Variants in RETREG2 observed in about 807,000 individuals in gnomAD.
The protein encoded by RETREG2 is reticulophagy regulator 2.
RETREG2 carries 21 observed loss-of-function variants against 51.6 expected under a neutral mutation model. The ratio of observed to expected loss-of-function variants is 0.41; its 90% CI spans 0.29 to 0.59. The LOEUF is 0.59. RETREG2 is among the 20% of genes least tolerant of loss of function. The probability of loss-of-function intolerance (pLI) is 0.34; values close to 1 mark genes in which losing one functional copy is unlikely to be tolerated. For synonymous variants in RETREG2, 339 were observed against 288.6 expected (o/e 1.17, Z -1.77); for missense variants, 674 against 646.0 (o/e 1.04, Z -0.47).
rs1223169271 is a variant in RETREG2, at chr2:219,181,174, C to T, written c.753C>T (p.Ala251=). 6.2e-7 allele frequency: 1 copy of T among 1,614,180 alleles called. No individual in the cohort carries two copies. The highest frequency in any genetic ancestry group is 1.7e-5 in the Admixed American group (1 of 60,030). ...TGGACTACAGCATGAAGGCAGAAGC[C>T]AATGCCCTGCATCACAAACACGACA... ...MQLDYSMKAE[A]NALHHKHDKR... Residue 251 remains alanine (A), a synonymous_variant, in exon 6 of 9, where the codon GCC becomes GCT. Transcript: ENST00000430297.
rs1254829526 is a variant in RETREG2 at position 219,178,557 on chromosome 2, G to A, written c.205G>A (p.Ala69Thr). 5.5e-6 allele frequency: 8 copies of A among 1,449,204 alleles called. No homozygotes were observed. The highest frequency in any genetic ancestry group is 2.7e-5 in the Admixed American group (1 of 37,418). The allele number at this position is 1,449,204 out of a possible 1,614,324, so 89.8% of individuals were successfully genotyped here. A position where few individuals can be genotyped will look rare whatever the true frequency, so the allele number is the denominator to read the frequency against. ...RLRGWEAVLA[A>T]AQRLLVWEKP... ...CCGCGGCTGGGAGGCGGTGCTGGCG[G>A]CGGCGCAGCGGTTGCTGGTGTGGGA... is the stretch of plus-strand genomic sequence containing the variant. Residue 69 changes from alanine (A) to threonine (T), a missense_variant, in exon 1 of 9, where the codon GCG becomes ACG. Ala to Thr is a moderately conservative substitution (Grantham distance 58). Coordinates refer to ENST00000430297, the MANE Select transcript of RETREG2 (RefSeq NM_024293.6).
Position 219,180,722 on chromosome 2 carries a change from A to G in RETREG2, c.608A>G (p.Tyr203Cys). ...GCTGTGTTGGCTGTGTTGGGACACT[A>G]TGTTCCAGGGATTATGATTTCCTAC... ...GCAVLAVLGHYVPGIMISYIV... is the reference protein window; with the variant it reads ...GCAVLAVLGHCVPGIMISYIV... The change falls in exon 5 of 9, where the codon TAT (tyrosine) becomes TGT (cysteine). Residue 203 changes from tyrosine to cysteine, a missense_variant. Physicochemically the swap from Tyr to Cys is radical, Grantham distance 194 (BLOSUM62 -2). Transcript: ENST00000430297. 1.2e-6 allele frequency: 2 copies of G among 1,613,896 alleles called. No individual in the cohort carries two copies. The highest frequency in any genetic ancestry group is 1.7e-6 in the Non-Finnish European group (2 of 1,179,812).
rs1348898149 is a variant in RETREG2, at chr2:219,179,029, G to T, written c.388+1G>T. The T allele has an allele frequency of 6.2e-7, 1 of 1,604,744 alleles. No homozygotes were observed. Among genetic ancestry groups the T allele is most frequent in the Non-Finnish European group, 8.5e-7 (1 of 1,171,640 alleles). ...CCTCGCTTTCTCCCTGACGTTTCAG[G>T]TGAGTGTTTCTTCATTCAGTAAGCA... On this transcript the variant is annotated splice_donor_variant, in intron 2 of 8. Coordinates refer to ENST00000430297, the MANE Select transcript of RETREG2 (RefSeq NM_024293.6). LOFTEE classifies it high-confidence loss of function.
rs1424472169 is a variant in RETREG2, at chr2:219,183,313, C to T, written c.*684C>T. 1 of 152,818 alleles carries T rather than the reference C, an allele frequency of 6.5e-6. No homozygotes were observed. Among genetic ancestry groups the T allele is most frequent in the Non-Finnish European group, 1.5e-5 (1 of 68,450 alleles). The allele number at this position is 152,818 out of a possible 1,614,324, so 9.5% of individuals were successfully genotyped here. A position where few individuals can be genotyped will look rare whatever the true frequency, so the allele number is the denominator to read the frequency against. On this transcript the variant is annotated 3_prime_UTR_variant, in exon 9 of 9. Transcript: ENST00000430297. ...TTCATGATGCAGGAGAGCAGGGATC[C>T]CGCAGTACATGGCGCCAGCACTGGA...
rs770286239 is a variant in RETREG2, at chr2:219,181,450, G to A, written c.866G>A (p.Gly289Asp). The A allele has an allele frequency of 1.2e-6, 2 of 1,614,078 alleles. No homozygotes were observed. The highest frequency in any genetic ancestry group is 2.2e-5 in the East Asian group (1 of 44,872). The change falls in exon 7 of 9, where the codon GGC becomes GAC. Residue 289 changes from glycine to aspartate, a missense_variant. Physicochemically the swap from Gly to Asp is moderately conservative, Grantham distance 94. Transcript: ENST00000430297. ...AGTGAAAGCGAGGCAGAGCTGGCTG[G>A]CTTCTCCCCAGTGGTGAGGTCCAGG... ...TESESEAELA[G>D]FSPVVDVKKT...
At position 219,184,074 on chromosome 2, in the gene RETREG2, C is replaced by T. The variant is rs34157145; in HGVS notation, c.*1445C>T. Reference sequence around the variant, plus strand: ...AACTTCATTTTATAGACAGGTTAAGCTTCCTGAAGGCCACAGGTCCCAGTA... The same window carrying T: ...AACTTCATTTTATAGACAGGTTAAGTTTCCTGAAGGCCACAGGTCCCAGTA... On this transcript the variant is annotated 3_prime_UTR_variant, in exon 9 of 9. Coordinates refer to ENST00000430297, the MANE Select transcript of RETREG2 (RefSeq NM_024293.6). 0.5 allele frequency: 76,309 copies of T among 152,108 alleles called. 20,914 individuals carry two copies. The highest frequency in any genetic ancestry group is 0.62 in the Non-Finnish European group (42,409 of 68,016). The allele number at this position is 152,108 out of a possible 1,614,324, so 9.4% of individuals were successfully genotyped here. A position where few individuals can be genotyped will look rare whatever the true frequency, so the allele number is the denominator to read the frequency against.
At chr2:219,180,086 A>G (rs1950255488) in intron 3 of RETREG2, 24 bp from the exon 4 acceptor site, 4 of 1,613,380 alleles carry the variant, frequency 2.5e-6, no homozygotes, top group Non-Finnish European at 3.4e-6. Flanking sequence ...TGAGGCCTCC[A>G]GGGGTCATGT....
At chr2:219,178,687 C>G (rs1950225899) in intron 1 of RETREG2, 54 bp downstream of exon 1, 2 of 1,403,646 alleles carry the variant, frequency 1.4e-6, no homozygotes, top group African/African-American at 3.0e-5. Context: ...AGGGAGGGGT[C>G]GAGAGCACCA....
chr2:219,181,977 A>T (rs1950285713), intron 8 of RETREG2, 36 bp from the exon 9 acceptor site: 1 of 1,604,186 alleles, frequency 6.2e-7, no homozygotes, highest in Admixed American at 1.7e-5. Context: ...TCAGACCAGC[A>T]GCAGGCCCAT....
intron 5 of RETREG2, 44 bp downstream of exon 5, chr2:219,180,798 C>A (rs1347455924): frequency 6.8e-6 from 11 of 1,605,866 alleles, no homozygotes; most frequent in Non-Finnish European, 9.4e-6. Flanking sequence ...CCTCTCCTTT[C>A]TTCTTTCCTT....
rs545497388 is a variant in RETREG2 at position 219,178,638 on chromosome 2, C to T, written c.281+5C>T. ...CGCGCTCAACGGCCTCTTCTGGTAA[C>T]GGCCGCGGAGGAGGGGGCGGGGCCG... is the stretch of plus-strand genomic sequence containing the variant. On this transcript the variant is annotated splice_donor_5th_base_variant and intron_variant, in intron 1 of 8. Coordinates refer to ENST00000430297, the MANE Select transcript of RETREG2 (RefSeq NM_024293.6). The T allele has an allele frequency of 2.9e-5, 42 of 1,427,598 alleles. No individual in the cohort carries two copies. The highest frequency in any genetic ancestry group is 3.6e-5 in the Non-Finnish European group (40 of 1,100,104). 88.4% of individuals were successfully genotyped at this position (1,427,598 alleles called of 1,614,324 possible).
chr2:219,181,779 T>G lies in RETREG2; in HGVS notation c.1015+4T>G, dbSNP rs541229469. ...CAGCTGACTGATGTCTCCGAGGGTA[T>G]GGGGAGCCCTTTGCTGCCCTGCTCC... On this transcript the variant is annotated splice_donor_region_variant and intron_variant, in intron 8 of 8. Coordinates refer to ENST00000430297, the MANE Select transcript of RETREG2 (RefSeq NM_024293.6). The G allele has an allele frequency of 9.4e-5, 151 of 1,612,198 alleles. 2 individuals carry two copies. In the South Asian group the frequency reaches 1.6e-3, roughly 17 times the overall value.
At position 219,184,402 on chromosome 2, in the gene RETREG2, GGC is replaced by G. The variant is rs961513233; in HGVS notation, c.*1774_*1775del. ...GAGGTACCATATGGTAATGCTGCCT[GGC>G]TGTCTGCTGGAGGTACCATATGGTA... On this transcript the variant is annotated 3_prime_UTR_variant, in exon 9 of 9. Coordinates refer to ENST00000430297, the MANE Select transcript of RETREG2 (RefSeq NM_024293.6). The G allele has an allele frequency of 6.6e-6, 1 of 151,924 alleles. No homozygotes were observed. The highest frequency in any genetic ancestry group is 2.4e-5 in the African/African-American group (1 of 41,364). The allele number at this position is 151,924 out of a possible 1,614,324, so 9.4% of individuals were successfully genotyped here. A position where few individuals can be genotyped will look rare whatever the true frequency, so the allele number is the denominator to read the frequency against.
rs1950281387 is a variant in RETREG2 at position 219,181,681 on chromosome 2, C to T, written c.921C>T (p.Asp307=). 1.9e-6 allele frequency: 3 copies of T among 1,614,154 alleles called. No individual in the cohort carries two copies. Among genetic ancestry groups the T allele is most frequent in the Admixed American group, 1.7e-5 (1 of 60,012 alleles). ...KKTALALAIT[D]SELSDEEASI... is the part of the protein sequence containing the mutation. ...CAGCATTGGCCTTGGCCATTACAGA[C>T]TCAGAGCTGTCAGATGAGGAGGCTT... The change falls in exon 8 of 9, where the codon GAC becomes GAT. Residue 307 remains aspartate, a synonymous_variant. Coordinates refer to ENST00000430297, the MANE Select transcript of RETREG2 (RefSeq NM_024293.6).
Position 219,182,245 on chromosome 2 carries a change from G to T in RETREG2, c.1248G>T (p.Gly416=), listed in dbSNP as rs1470688516. 1.2e-6 allele frequency: 2 copies of T among 1,614,002 alleles called. No individual in the cohort carries two copies. Among genetic ancestry groups the T allele is most frequent in the East Asian group, 4.5e-5 (2 of 44,900 alleles). ...TGAACACGCACTTCAATGGGGCAGGGTCCCCCCCAGATGGAGTGAAATGCT... is the reference window on the plus strand; with the variant it reads ...TGAACACGCACTTCAATGGGGCAGGTTCCCCCCCAGATGGAGTGAAATGCT... ...HFVNTHFNGA[G]SPPDGVKCSP... The change falls in exon 9 of 9, where the codon GGG becomes GGT. Residue 416 remains glycine (G), a synonymous_variant. Coordinates refer to ENST00000430297, the MANE Select transcript of RETREG2 (RefSeq NM_024293.6).
Position 219,183,170 on chromosome 2 carries a change from TCCTG to T in RETREG2, c.*542_*545del. 1 of 162,196 alleles carries T rather than the reference TCCTG, an allele frequency of 6.2e-6. No individual in the cohort carries two copies. The highest frequency in any genetic ancestry group is 5.7e-5 in the Admixed American group (1 of 17,594). 10.0% of individuals were successfully genotyped at this position (162,196 alleles called of 1,614,324 possible). A position where few individuals can be genotyped will look rare whatever the true frequency, so the allele number is the denominator to read the frequency against. On this transcript the variant is annotated 3_prime_UTR_variant, in exon 9 of 9. Coordinates refer to ENST00000430297, the MANE Select transcript of RETREG2 (RefSeq NM_024293.6). ...GGCACTGGCCAAGCTTTAGGGAGGCTCCTGGTCTGGGAAGTAAAGAGTAAACCTG... is the reference window on the plus strand; with the variant it reads ...GGCACTGGCCAAGCTTTAGGGAGGCTGTCTGGGAAGTAAAGAGTAAACCTG...
chr2:219,182,766 TCTGCCTGCCTGC>T lies in RETREG2; in HGVS notation c.*146_*157del, dbSNP rs749566443. On this transcript the variant is annotated 3_prime_UTR_variant, in exon 9 of 9. Coordinates refer to ENST00000430297, the MANE Select transcript of RETREG2 (RefSeq NM_024293.6). ...CTGTCGGATGGTAGCTATTCCACCCTCTGCCTGCCTGCCTGCCTGCTGTCCTGGGCATGGTGC... is the reference window on the plus strand; with the variant it reads ...CTGTCGGATGGTAGCTATTCCACCCTCTGCCTGCTGTCCTGGGCATGGTGC... The T allele has an allele frequency of 1.0e-5, 10 of 961,428 alleles. No homozygotes were observed. In the East Asian group the frequency reaches 2.6e-4, roughly 25 times the overall value. The allele number at this position is 961,428 out of a possible 1,614,324, so 59.6% of individuals were successfully genotyped here. A position where few individuals can be genotyped will look rare whatever the true frequency, so the allele number is the denominator to read the frequency against.
intron 1 of RETREG2, 135 bp from the exon 2 acceptor site, chr2:219,178,787 C>A: frequency 8.7e-7 from 1 of 1,155,522 alleles, no homozygotes; most frequent in Non-Finnish European, 1.2e-6. Flanking sequence ...CCATTTTTTT[C>A]TATCTCTGAG....
At position 219,182,003 on chromosome 2, in the gene RETREG2, C is replaced by T. The variant is rs989154570; in HGVS notation, c.1016-10C>T. On this transcript the variant is annotated splice_polypyrimidine_tract_variant and intron_variant, in intron 8 of 8. Transcript: ENST00000430297. The stretch of plus-strand genomic sequence containing the variant: ...GCAGGCCCATTCTTAATTCTTTGTT[C>T]TCTGCACAGATTTGGACCAGCAGAG... The T allele has an allele frequency of 6.2e-7, 1 of 1,611,784 alleles. No individual in the cohort carries two copies. The highest frequency in any genetic ancestry group is 8.5e-7 in the Non-Finnish European group (1 of 1,178,398).
Sources: allele counts gnomAD v4.1 joint callset, GRCh38; gene constraint gnomAD v4.1.1; transcripts MANE v1.5; gene names NCBI Gene and HGNC (gene_info 2026-07-23, HGNC 2026-07-21).